The following TXNDC16 variants were observed in gnomAD, a reference collection of about 807,000 sequenced individuals.
TXNDC16 encodes the protein thioredoxin domain containing 16, also known as thioredoxin domain-containing protein 16.
TXNDC16 carries 74 observed loss-of-function variants against 85.6 expected under a neutral mutation model. The ratio of observed to expected loss-of-function variants is 0.86; its 90% CI spans 0.72 to 1.05. The LOEUF (loss-of-function observed/expected upper bound fraction) is 1.05. TXNDC16 is among the 50% of genes least tolerant of loss of function. TXNDC16 has a pLI of 0.00. For missense variants in TXNDC16, 959 were observed against 947.0 expected (o/e 1.01, Z -0.17); for synonymous variants, 335 against 326.5 (o/e 1.03, Z -0.28).
At chr14:52,548,033 A>C (rs941623597) in intron 1 of TXNDC16, among the ~76,000 whole-genome samples, 6 of 152,212 alleles carry the variant, frequency 3.9e-5, no homozygotes, top group Non-Finnish European at 7.3e-5. Context: ...ATACATGTGC[A>C]ATGAACCACA....
At chr14:52,528,549 G>T (rs1594755225) in intron 6 of TXNDC16, among the ~76,000 whole-genome samples, 1 of 151,334 alleles carries the variant, frequency 6.6e-6, no homozygotes, top group African/African-American at 2.4e-5. Flanking sequence ...AAATGTAGAA[G>T]AATTATATAT....
chr14:52,536,067 T>C (rs2037693593), intron 6 of TXNDC16, among the ~76,000 whole-genome samples: 1 of 151,988 alleles, frequency 6.6e-6, no homozygotes, highest in Admixed American at 6.6e-5. Context: ...ATGAGCTTCC[T>C]ACCTGGTACT....
chr14:52,520,656 T>G (rs866529360), intron 6 of TXNDC16, among the ~76,000 whole-genome samples: 35 of 152,054 alleles, frequency 2.3e-4, no homozygotes, highest in African/African-American at 8.2e-4. Context: ...AGTTGTCTAC[T>G]TCTATATAAA....
intron 9 of TXNDC16, among the ~76,000 whole-genome samples, chr14:52,492,554 C>T (rs1463338198): frequency 6.6e-6 from 1 of 152,174 alleles, no homozygotes; most frequent in Non-Finnish European, 1.5e-5. Flanking sequence ...ACAGTGTTGC[C>T]TGCCTCTGCC....
At chr14:52,439,453 T>C (rs1420087500) in intron 19 of TXNDC16, 59 bp from the exon 20 acceptor site, 3 of 1,433,150 alleles carry the variant, frequency 2.1e-6, no homozygotes, top group East Asian at 2.4e-5. Flanking sequence ...ATAATGAAAA[T>C]AGTAATTCGT....
At chr14:52,492,300 C>T (rs115651072) in intron 9 of TXNDC16, among the ~76,000 whole-genome samples, 1 of 152,124 alleles carries the variant, frequency 6.6e-6, no homozygotes, top group African/African-American at 2.4e-5. Flanking sequence ...TTTTGGGGGA[C>T]TGAGTAACCC....
In TXNDC16 at chr14:52,496,904, C is replaced by G. The variant is rs77182981; in HGVS notation, c.757-5899G>C. On this transcript the variant is annotated intron_variant, in intron 9 of 20. Coordinates refer to ENST00000281741, the MANE Select transcript of TXNDC16 (RefSeq NM_020784.3). ...GGGATTATAGGCGGGAACCACTGCA[C>G]GCACCCTAATTATGAAGTTATAATC... 4.9e-3 allele frequency among the ~76,000 whole-genome samples: 739 copies of G among 152,048 alleles called. 14 individuals carry two copies. The highest frequency in any genetic ancestry group is 0.039 in the Admixed American group (600 of 15,276).
chr14:52,438,153 A>T (rs967772021), intron 20 of TXNDC16, among the ~76,000 whole-genome samples: 4 of 152,252 alleles, frequency 2.6e-5, no homozygotes, highest in African/African-American at 9.6e-5. Context: ...AAATGCTATG[A>T]ACATCGTTGA....
intron 6 of TXNDC16, among the ~76,000 whole-genome samples, chr14:52,533,705 G>A (rs1445865341): frequency 6.6e-6 from 1 of 152,198 alleles, no homozygotes; most frequent in Non-Finnish European, 1.5e-5. Context: ...CCACAGGCAA[G>A]GGTCAGGTGG....
chr14:52,469,351 A>C (rs144349622), intron 16 of TXNDC16, among the ~76,000 whole-genome samples: 2 of 152,232 alleles, frequency 1.3e-5, no homozygotes, highest in African/African-American at 2.4e-5. Flanking sequence ...CGTCTCAAAA[A>C]AAAAAACAAA....
At chr14:52,551,003 C>T (rs2038031669) in intron 1 of TXNDC16, among the ~76,000 whole-genome samples, 1 of 152,096 alleles carries the variant, frequency 6.6e-6, no homozygotes, top group South Asian at 2.1e-4. Flanking sequence ...GGCCTGTTAA[C>T]TTCTTAGAGC....
At chr14:52,489,225 T>C (rs2036346587) in intron 11 of TXNDC16, among the ~76,000 whole-genome samples, 1 of 152,244 alleles carries the variant, frequency 6.6e-6, no homozygotes, top group Non-Finnish European at 1.5e-5. Context: ...TTCAATTTCC[T>C]GTTTAGCTAT....
Position 52,530,246 on chromosome 14 carries a change from T to C in TXNDC16, c.392+6473A>G, listed in dbSNP as rs1379230926. On this transcript the variant is annotated intron_variant, in intron 6 of 20. Transcript: ENST00000281741. ...ATATAATATTACATATAATAATATA[T>C]AATATATATTATATAATATATATTA... Among the ~76,000 whole-genome samples, 224 of 45,760 alleles carry C rather than the reference T, an allele frequency of 4.9e-3. 5 individuals are homozygous for C. The highest frequency in any genetic ancestry group is 0.03 in the African/African-American group (218 of 7,232). 30.0% of individuals were successfully genotyped at this position (45,760 alleles called of 152,430 possible). A position where few individuals can be genotyped will look rare whatever the true frequency, so the allele number is the denominator to read the frequency against.
intron 18 of TXNDC16, among the ~76,000 whole-genome samples, chr14:52,451,514 T>C (rs142219433): frequency 1.3e-5 from 2 of 152,224 alleles, no homozygotes; most frequent in East Asian, 3.9e-4. Flanking sequence ...ATGTATGATT[T>C]ACCCCAAGGA....
chr14:52,439,061 G>T, intron 20 of TXNDC16, 143 bp downstream of exon 20: 2 of 825,242 alleles, frequency 2.4e-6, no homozygotes, highest in Non-Finnish European at 3.7e-6. Flanking sequence ...TGCACCTTTG[G>T]CCTCCCAGTC....
At chr14:52,504,587 G>T (rs1009568888) in intron 9 of TXNDC16, among the ~76,000 whole-genome samples, 18 of 152,118 alleles carry the variant, frequency 1.2e-4, no homozygotes, top group Admixed American at 3.9e-4. Flanking sequence ...ACATGGAAAG[G>T]AACAACCGGT....
chr14:52,501,287 C>G (rs887623877), intron 9 of TXNDC16, among the ~76,000 whole-genome samples: 2 of 152,082 alleles, frequency 1.3e-5, no homozygotes, highest in African/African-American at 4.8e-5. Flanking sequence ...AATAAACACA[C>G]ATACAAAAGC....
chr14:52,503,331 G>A (rs1475549971), intron 9 of TXNDC16, among the ~76,000 whole-genome samples: 1 of 152,348 alleles, frequency 6.6e-6, no homozygotes. Flanking sequence ...CCCAGTAGGG[G>A]CAGACTGACA....
At chr14:52,535,468 G>T (rs1479105319) in intron 6 of TXNDC16, among the ~76,000 whole-genome samples, 2 of 152,064 alleles carry the variant, frequency 1.3e-5, no homozygotes, top group Non-Finnish European at 2.9e-5. Context: ...TGAATTTCCA[G>T]GAGTTAAACT....
Sources: gnomAD v4.1 joint callset for allele counts (sites outside exome capture counted in the v4.1 genomes callset) on GRCh38, gnomAD v4.1.1 for gene constraint, MANE v1.5 for transcripts, NCBI Gene and HGNC (gene_info 2026-07-23, HGNC 2026-07-21) for gene names.